The following MED13L variants were observed in gnomAD, a reference collection of about 807,000 sequenced individuals.
The protein encoded by MED13L is mediator complex subunit 13L, also known as mediator of RNA polymerase II transcription subunit 13-like.
MED13L carries 7 observed loss-of-function variants against 220.9 expected under a neutral mutation model. That is an observed-to-expected ratio of 0.03 (90% CI 0.02 to 0.06). MED13L has a LOEUF of 0.06. Among genes scored for constraint, MED13L ranks in the 10% least tolerant of loss-of-function variants. The probability of loss-of-function intolerance (pLI) is 1.00; values close to 1 mark genes in which losing one functional copy is unlikely to be tolerated. For missense variants in MED13L, 1,965 were observed against 2,760.5 expected, an observed-to-expected ratio of 0.71 and a Z score of 6.46; for synonymous variants, 1,011 against 1,015.2, an observed-to-expected ratio of 1.00 and a Z score of 0.08.
In MED13L at chr12:116,022,617, T is replaced by G; in HGVS notation, c.480-16A>C. 6.2e-7 allele frequency: 1 copy of G among 1,608,838 alleles called. No individual in the cohort carries two copies. Among genetic ancestry groups the G allele is most frequent in the South Asian group, 1.1e-5 (1 of 90,250 alleles). ...CAAATGCTCACTACAAAAGAGAGAA[T>G]GAGAAACTCAACTTTATATTTTGGT... On this transcript the variant is annotated splice_polypyrimidine_tract_variant and intron_variant, in intron 4 of 30. Coordinates refer to ENST00000281928, the MANE Select transcript of MED13L (RefSeq NM_015335.5).
At chr12:116,022,403 G>A (rs1403401879) in intron 5 of MED13L, 53 bp downstream of exon 5, 1 of 1,603,730 alleles carries the variant, frequency 6.2e-7, no homozygotes, top group South Asian at 1.1e-5. Flanking sequence ...TGGGCAAGAT[G>A]GTTATCCACT....
At chr12:116,017,938 CTTT>C (rs1006266658) in intron 7 of MED13L, among the ~76,000 whole-genome samples, 1 of 144,460 alleles carries the variant, frequency 6.9e-6, no homozygotes, top group African/African-American at 2.5e-5. Flanking sequence ...TTCTTTTCTT[CTTT>C]TTTTTTTTTT....
intron 4 of MED13L, among the ~76,000 whole-genome samples, chr12:116,076,099 G>C (rs1224819803): frequency 6.6e-6 from 1 of 151,968 alleles, no homozygotes; most frequent in African/African-American, 2.4e-5. Context: ...ATTTTTAGTA[G>C]AGACGGGGTT....
intron 3 of MED13L, among the ~76,000 whole-genome samples, chr12:116,105,033 T>C (rs1392961569): frequency 6.6e-6 from 1 of 152,252 alleles, no homozygotes; most frequent in African/African-American, 2.4e-5. Flanking sequence ...GAAAAGGATA[T>C]GGTATATTAT....
intron 1 of MED13L, among the ~76,000 whole-genome samples, chr12:116,269,706 T>C (rs1873126421): frequency 6.6e-6 from 1 of 152,158 alleles, no homozygotes; most frequent in Non-Finnish European, 1.5e-5. Flanking sequence ...AATGGAGTTT[T>C]ACTATACTGA....
Position 116,007,733 on chromosome 12 carries a change from T to C in MED13L, c.2013-97A>G, listed in dbSNP as rs1592941174. 4 of 966,964 alleles carry C rather than the reference T, an allele frequency of 4.1e-6. No homozygotes were observed. The East Asian group carries it at 7.4e-5, about 18-fold the overall frequency. The allele number at this position is 966,964 out of a possible 1,614,324, so 59.9% of individuals were successfully genotyped here. ...GTAAAAACAACTAAAAATTCACCGA[T>C]ATAGTGATTTGCTTTTACAGTTTAT... is the stretch of plus-strand genomic sequence containing the variant. On this transcript the variant is annotated intron_variant, in intron 10 of 30. Transcript: ENST00000281928.
chr12:116,103,381 T>C (rs1044725066), intron 3 of MED13L, among the ~76,000 whole-genome samples: 8 of 152,194 alleles, frequency 5.3e-5, no homozygotes, highest in Non-Finnish European at 1.2e-4. Context: ...GCCCCACAAA[T>C]AGCTGGGACT....
intron 2 of MED13L, among the ~76,000 whole-genome samples, chr12:116,143,118 G>A (rs752403360): frequency 6.6e-6 from 1 of 152,134 alleles, no homozygotes; most frequent in Non-Finnish European, 1.5e-5. Flanking sequence ...ATGATGAAAT[G>A]CCCAGATTTG....
intron 2 of MED13L, among the ~76,000 whole-genome samples, chr12:116,189,732 G>T (rs562632865): frequency 6.6e-6 from 1 of 152,308 alleles, no homozygotes; most frequent in Admixed American, 6.5e-5. Context: ...TTGAAAAGCT[G>T]TATGTAGTTT....
intron 1 of MED13L, among the ~76,000 whole-genome samples, chr12:116,250,776 CAAAAAAAAAA>C (rs772459455): frequency 0.04 from 3,103 of 76,846 alleles, 69 homozygotes; most frequent in Middle Eastern, 0.099. Context: ...GACTCCTCCT[CAAAAAAAAAA>C]AAAAAAAAAA....
chr12:116,024,444 C>T (rs1410464626), intron 4 of MED13L, among the ~76,000 whole-genome samples: 4 of 152,090 alleles, frequency 2.6e-5, no homozygotes, highest in Non-Finnish European at 5.9e-5. Context: ...ATTTGAGAAA[C>T]GTCCATTCAG....
At chr12:116,207,987 G>C (rs577288585) in intron 2 of MED13L, among the ~76,000 whole-genome samples, 14 of 152,294 alleles carry the variant, frequency 9.2e-5, no homozygotes, top group Non-Finnish European at 1.9e-4. Context: ...GGAACATGTT[G>C]TCATACCAAA....
intron 1 of MED13L, among the ~76,000 whole-genome samples, chr12:116,259,586 G>A (rs533618393): frequency 5.2e-4 from 79 of 152,294 alleles, no homozygotes; most frequent in African/African-American, 1.8e-3. Context: ...CGTAAGTGGT[G>A]AAAAGTTCTT....
intron 15 of MED13L, 70 bp from the exon 16 acceptor site, chr12:115,996,751 C>G (rs1592929789): frequency 2.2e-6 from 3 of 1,391,684 alleles, no homozygotes; most frequent in Non-Finnish European, 3.0e-6. Context: ...TGGCATAGTG[C>G]TATCATAAAA....
At chr12:116,013,541 A>G (rs1879545466) in intron 8 of MED13L, among the ~76,000 whole-genome samples, 1 of 152,200 alleles carries the variant, frequency 6.6e-6, no homozygotes, top group Non-Finnish European at 1.5e-5. Flanking sequence ...AAATATTCCA[A>G]AATCTAAAAA....
At chr12:116,145,779 G>C (rs149056301) in intron 2 of MED13L, among the ~76,000 whole-genome samples, 92 of 151,112 alleles carry the variant, frequency 6.1e-4, no homozygotes, top group Non-Finnish European at 1.2e-3. Context: ...CTCCTGCCTT[G>C]GTCTCCCCAA....
At chr12:116,002,947 T>C in intron 14 of MED13L, 56 bp downstream of exon 14, 2 of 1,321,684 alleles carry the variant, frequency 1.5e-6, no homozygotes, top group Non-Finnish European at 2.2e-6. Flanking sequence ...ATGAGAATAT[T>C]ATATCTAAGT....
At chr12:116,232,096 G>T (rs1441060173) in intron 2 of MED13L, 54 of 985,230 alleles carry the variant, frequency 5.5e-5, no homozygotes, top group Non-Finnish European at 6.4e-5. Flanking sequence ...CATTTTTCCA[G>T]GCTCTCTTAT....
intron 2 of MED13L, among the ~76,000 whole-genome samples, chr12:116,184,514 G>C (rs548128738): frequency 6.6e-6 from 1 of 151,992 alleles, no homozygotes; most frequent in African/African-American, 2.4e-5. Flanking sequence ...AAAACTTTAG[G>C]CTTGTTCAAA....
Sources: allele counts gnomAD v4.1 joint callset (sites outside exome capture counted in the v4.1 genomes callset), GRCh38; gene constraint gnomAD v4.1.1; transcripts MANE v1.5; gene names NCBI Gene and HGNC (gene_info 2026-07-23, HGNC 2026-07-21).